The following CA3 variants were observed in gnomAD, a reference collection of about 807,000 sequenced individuals.
CA3 encodes CA-III.
A neutral mutation model predicts 35.7 loss-of-function variants in CA3; 30 were observed. That is an observed-to-expected ratio of 0.84 (90% CI 0.63 to 1.14). CA3 has a LOEUF of 1.14. CA3 is among the 50% of genes most tolerant of loss of function. The probability of loss-of-function intolerance (pLI) is 0.00; values close to 1 mark genes in which losing one functional copy is unlikely to be tolerated. For synonymous variants in CA3, 131 were observed against 130.8 expected (o/e 1.00, Z -0.01); for missense variants, 295 against 328.5 (o/e 0.90, Z 0.79).
chr8:85,445,239 CT>C (rs774355471), intron 5 of CA3, 21 bp downstream of exon 5: 1 of 1,506,312 alleles, frequency 6.6e-7, no homozygotes, highest in Middle Eastern at 1.7e-4. Context: ...ATCATTTTCC[CT>C]CCTAAAACAT....
intron 4 of CA3, among the ~76,000 whole-genome samples, 162 bp from the exon 5 acceptor site, chr8:85,444,994 A>T (rs1811262920): frequency 1.3e-5 from 2 of 152,226 alleles, no homozygotes; most frequent in Admixed American, 1.3e-4. Flanking sequence ...TATATACTCT[A>T]AAATCTTGAG....
At chr8:85,439,357 G>A (rs1175767683) in intron 1 of CA3, among the ~76,000 whole-genome samples, 1 of 152,022 alleles carries the variant, frequency 6.6e-6, no homozygotes, top group Non-Finnish European at 1.5e-5. Flanking sequence ...AGGAACATGG[G>A]TGTGCTCTGA....
At chr8:85,446,020 A>T in intron 5 of CA3, 122 bp from the exon 6 acceptor site, 1 of 936,392 alleles carries the variant, frequency 1.1e-6, no homozygotes, top group Non-Finnish European at 1.6e-6. Context: ...TACTTTGTTT[A>T]GAAGTTCTAT....
Position 85,446,273 on chromosome 8 carries a change from G to T in CA3, c.639G>T (p.Glu213Asp), listed in dbSNP as rs1218405294. The change falls in exon 6 of 7, where the codon GAG (glutamate) becomes GAT (aspartate). Residue 213 changes from glutamate (E) to aspartate (D), a missense_variant. Physicochemically the swap from Glu to Asp is conservative, Grantham distance 45. Coordinates refer to ENST00000285381, the MANE Select transcript of CA3 (RefSeq NM_005181.4). ...EECIVWLLLK[E>D]PMTVSSDQMA... is the part of the protein sequence containing the mutation. ...GCATTGTGTGGCTGCTGCTGAAGGA[G>T]CCCATGACCGTGAGCTCTGACCAGG... The T allele has an allele frequency of 6.2e-7, 1 of 1,613,872 alleles. No individual in the cohort carries two copies. The highest frequency in any genetic ancestry group is 1.7e-5 in the Admixed American group (1 of 60,008).
At position 85,439,258 on chromosome 8, in the gene CA3, T is replaced by A. The variant is rs142065799; in HGVS notation, c.34+315T>A. The stretch of plus-strand genomic sequence containing the variant: ...CGAGGTCAGGTGTGACTGGCCCTTA[T>A]TCTGTTTTACTGGACAAGCACCTAA... On this transcript the variant is annotated intron_variant, in intron 1 of 6. Coordinates refer to ENST00000285381, the MANE Select transcript of CA3 (RefSeq NM_005181.4). Among the ~76,000 whole-genome samples, 303 of 152,260 alleles carry A rather than the reference T, an allele frequency of 2.0e-3. 1 individual carries two copies. Among genetic ancestry groups the A allele is most frequent in the African/African-American group, 7.0e-3 (292 of 41,556 alleles).
rs1288300997 is a variant in CA3 at position 85,445,146 on chromosome 8, T to C, written c.445-10T>C. ...AAAAGAACTATACTTGGATTTCTGT[T>C]TTCTTACAGATAGGACATGAGAATG... On this transcript the variant is annotated splice_polypyrimidine_tract_variant and intron_variant, in intron 4 of 6. Transcript: ENST00000285381. The C allele has an allele frequency of 6.3e-7, 1 of 1,585,172 alleles. No homozygotes were observed. The highest frequency in any genetic ancestry group is 1.7e-5 in the Admixed American group (1 of 57,436).
chr8:85,444,239 T>C, intron 4 of CA3, 113 bp downstream of exon 4: 1 of 671,524 alleles, frequency 1.5e-6, no homozygotes, highest in East Asian at 2.7e-5. Flanking sequence ...ATATGCATTT[T>C]ATTATTCATT....
rs1044571977 is a variant in CA3, at chr8:85,449,023, A to G, written c.*870A>G. ...AGTTGTACTGATCACCAGAACCAATAAAGACATAAATGGAAAACGTTGAGT... is the reference window on the plus strand; with the variant it reads ...AGTTGTACTGATCACCAGAACCAATGAAGACATAAATGGAAAACGTTGAGT... On this transcript the variant is annotated 3_prime_UTR_variant, in exon 7 of 7. Coordinates refer to ENST00000285381, the MANE Select transcript of CA3 (RefSeq NM_005181.4). The G allele has an allele frequency of 2.0e-5, 3 of 152,242 alleles. No homozygotes were observed. Among genetic ancestry groups the G allele is most frequent in the Admixed American group, 6.5e-5 (1 of 15,288 alleles). The allele number at this position is 152,242 out of a possible 1,614,324, so 9.4% of individuals were successfully genotyped here. A position where few individuals can be genotyped will look rare whatever the true frequency, so the allele number is the denominator to read the frequency against.
At chr8:85,440,833 G>A (rs544833551) in intron 2 of CA3, among the ~76,000 whole-genome samples, 3 of 152,140 alleles carry the variant, frequency 2.0e-5, no homozygotes, top group Non-Finnish European at 4.4e-5. Flanking sequence ...TTCTTAAACA[G>A]TGGTTTCGTA....
intron 2 of CA3, among the ~76,000 whole-genome samples, chr8:85,440,845 T>A (rs922665597): frequency 2.6e-5 from 4 of 152,232 alleles, no homozygotes; most frequent in African/African-American, 9.6e-5. Flanking sequence ...GGTTTCGTAT[T>A]GCTATTGTTT....
intron 6 of CA3, 106 bp from the exon 7 acceptor site, chr8:85,447,928 A>C (rs113595824): frequency 7.0e-5 from 77 of 1,095,686 alleles, no homozygotes; most frequent in Middle Eastern, 3.1e-4. Context: ...AACAAACAAA[A>C]AAACCAACAA....
chr8:85,441,949 C>A (rs928652888), intron 2 of CA3, 124 bp from the exon 3 acceptor site: 1 of 694,086 alleles, frequency 1.4e-6, no homozygotes, highest in Non-Finnish European at 2.6e-6. Context: ...GGGAGTGGCA[C>A]CATCCACCCA....
In CA3 at chr8:85,444,014, T is replaced by C; in HGVS notation, c.352-20T>C. ...CATATTCCAGGAATTTACCTTCTAATCTGTCTTCTATGGTTTCAGCTTCAT... is the reference window on the plus strand; with the variant it reads ...CATATTCCAGGAATTTACCTTCTAACCTGTCTTCTATGGTTTCAGCTTCAT... On this transcript the variant is annotated intron_variant, in intron 3 of 6. Transcript: ENST00000285381. The C allele has an allele frequency of 6.6e-7, 1 of 1,510,942 alleles. No homozygotes were observed. The highest frequency in any genetic ancestry group is 9.2e-7 in the Non-Finnish European group (1 of 1,085,858). The allele number at this position is 1,510,942 out of a possible 1,614,324, so 93.6% of individuals were successfully genotyped here.
intron 5 of CA3, 90 bp downstream of exon 5, chr8:85,445,308 C>A: frequency 2.5e-6 from 2 of 802,684 alleles, no homozygotes; most frequent in Non-Finnish European, 4.0e-6. Context: ...CACCTAAAAT[C>A]TGTTACTAAG....
intron 4 of CA3, among the ~76,000 whole-genome samples, chr8:85,444,368 G>GGT (rs3830363): frequency 0.2 from 30,835 of 151,562 alleles, 3,844 homozygotes; most frequent in East Asian, 0.5. Context: ...AGATGTGGGA[G>GGT]GTGTGTGTGT....
chr8:85,442,163 C>A lies in CA3; in HGVS notation c.323C>A (p.Thr108Asn). The A allele has an allele frequency of 6.2e-7, 1 of 1,602,856 alleles. No individual in the cohort carries two copies. Among genetic ancestry groups the A allele is most frequent in the Non-Finnish European group, 8.5e-7 (1 of 1,169,770 alleles). Residue 108 changes from threonine to asparagine, a missense_variant, in exon 3 of 7, where the codon ACC becomes AAC. Physicochemically the swap from Thr to Asn is moderately conservative, Grantham distance 65. Transcript: ENST00000285381. ...GSSDDHGSEH[T>N]VDGVKYAAEL... ...TCGGATGATCATGGCTCTGAGCACA[C>A]CGTGGATGGAGTCAAGTATGCAGCG...
intron 6 of CA3, among the ~76,000 whole-genome samples, chr8:85,447,510 A>G (rs1233382654): frequency 6.6e-6 from 1 of 152,236 alleles, no homozygotes; most frequent in African/African-American, 2.4e-5. Flanking sequence ...CTTTACAAAT[A>G]AAGAAAAAAT....
chr8:85,444,689 A>G (rs1811257305), intron 4 of CA3, among the ~76,000 whole-genome samples: 3 of 152,228 alleles, frequency 2.0e-5, no homozygotes, highest in Admixed American at 2.0e-4. Flanking sequence ...TCTAGATTTC[A>G]AGCCAGAGGT....
At chr8:85,439,453 ATG>A (rs1474276580) in intron 1 of CA3, among the ~76,000 whole-genome samples, 1 of 152,202 alleles carries the variant, frequency 6.6e-6, no homozygotes, top group Non-Finnish European at 1.5e-5. Context: ...TTAAAAAAAA[ATG>A]TGATAAAGTT....
Sources: gnomAD v4.1 joint callset for allele counts (sites outside exome capture counted in the v4.1 genomes callset) on GRCh38, gnomAD v4.1.1 for gene constraint, MANE v1.5 for transcripts, NCBI Gene and HGNC (gene_info 2026-07-23, HGNC 2026-07-21) for gene names.